KCNQ3: variants seen among roughly 807,000 people sequenced by gnomAD.
KCNQ3 encodes the protein potassium voltage-gated channel subfamily Q member 3, also known as potassium voltage-gated channel subfamily KQT member 3.
Under a neutral mutation model 92.5 loss-of-function variants are expected in KCNQ3, and 30 were observed. That is an observed-to-expected ratio of 0.32 (90% CI 0.24 to 0.44). The LOEUF (loss-of-function observed/expected upper bound fraction) is 0.44, where lower values mean the gene tolerates loss of function less well. KCNQ3 is among the 20% of genes least tolerant of loss of function. The pLI, the probability that KCNQ3 is intolerant of heterozygous loss-of-function variation, is 1.00. For missense variants in KCNQ3, 913 were observed against 1,140.3 expected, an observed-to-expected ratio of 0.80 and a Z score of 2.87; for synonymous variants, 450 against 468.8, an observed-to-expected ratio of 0.96 and a Z score of 0.52.
rs200664316 is a variant in KCNQ3, at chr8:132,158,752, T to TGAA, written c.1262+4713_1262+4715dup. 3.3e-5 allele frequency among the ~76,000 whole-genome samples: 5 copies of TGAA among 152,230 alleles called. No homozygotes were observed. In the East Asian group the frequency reaches 9.6e-4, roughly 29 times the overall value. ...TAGTACCTATCTCTTAGGGTGGTTA[T>TGAA]GAAGAAGAGTTGTGCTTACAACTAT... On this transcript the variant is annotated intron_variant, in intron 9 of 14. Coordinates refer to ENST00000388996, the MANE Select transcript of KCNQ3 (RefSeq NM_004519.4).
intron 1 of KCNQ3, among the ~76,000 whole-genome samples, chr8:132,221,053 G>A (rs1263552771): frequency 6.6e-6 from 1 of 152,168 alleles, no homozygotes; most frequent in African/African-American, 2.4e-5. Context: ...ACCTATGAGT[G>A]AGAACATGCA....
At chr8:132,253,718 A>T (rs1286165324) in intron 1 of KCNQ3, among the ~76,000 whole-genome samples, 2 of 152,210 alleles carry the variant, frequency 1.3e-5, no homozygotes, top group African/African-American at 4.8e-5. Flanking sequence ...CATGTTTCTA[A>T]CCATTCAGTT....
At chr8:132,372,868 T>C (rs534905149) in intron 1 of KCNQ3, among the ~76,000 whole-genome samples, 2 of 150,592 alleles carry the variant, frequency 1.3e-5, no homozygotes, top group African/African-American at 4.9e-5. Flanking sequence ...CGGTTGTGAA[T>C]ATTAGAGGCA....
Position 132,123,067 on chromosome 8 carries a change from A to T in KCNQ3, c.*6195T>A, listed in dbSNP as rs1320689847. ...CAGTGCAAAGGGACACCTTTGGTAA[A>T]ACTGGCCACTTTGGGTCATATAGAT... On this transcript the variant is annotated 3_prime_UTR_variant, in exon 15 of 15. Transcript: ENST00000388996. 6.6e-6 allele frequency: 1 copy of T among 152,178 alleles called. No homozygotes were observed. Among genetic ancestry groups the T allele is most frequent in the Non-Finnish European group, 1.5e-5 (1 of 68,038 alleles). 9.4% of individuals were successfully genotyped at this position (152,178 alleles called of 1,614,324 possible).
At position 132,134,273 on chromosome 8, in the gene KCNQ3, A is replaced by T. The variant is rs772154355; in HGVS notation, c.1799+17T>A. 12 of 1,597,982 alleles carry T rather than the reference A, an allele frequency of 7.5e-6. No individual in the cohort carries two copies. Among genetic ancestry groups the T allele is most frequent in the Non-Finnish European group, 1.0e-5 (12 of 1,165,792 alleles). On this transcript the variant is annotated intron_variant, in intron 13 of 14. Transcript: ENST00000388996. ...CTTTGCACCCCTGGCCCATCAGTCC[A>T]TGTCCACTGGCCCCACCTGGGAGAT...
intron 1 of KCNQ3, among the ~76,000 whole-genome samples, chr8:132,458,501 C>A (rs1303214939): frequency 6.6e-6 from 1 of 152,224 alleles, no homozygotes; most frequent in South Asian, 2.1e-4. Flanking sequence ...GATGCCCAGG[C>A]GAGAGTGCAG....
chr8:132,410,537 T>C (rs897263790), intron 1 of KCNQ3, among the ~76,000 whole-genome samples: 13 of 152,186 alleles, frequency 8.5e-5, no homozygotes, highest in African/African-American at 2.9e-4. Flanking sequence ...AGAAAATGCA[T>C]TGCATGCAAA....
chr8:132,149,334 T>C (rs1411886457), intron 9 of KCNQ3, among the ~76,000 whole-genome samples: 1 of 152,216 alleles, frequency 6.6e-6, no homozygotes, highest in African/African-American at 2.4e-5. Context: ...ATGCTATCTG[T>C]GAGATGGCGG....
At chr8:132,399,462 T>C (rs1820279091) in intron 1 of KCNQ3, among the ~76,000 whole-genome samples, 1 of 152,188 alleles carries the variant, frequency 6.6e-6, no homozygotes, top group South Asian at 2.1e-4. Flanking sequence ...TCCTGGCCTT[T>C]GGGAGTCATT....
intron 1 of KCNQ3, among the ~76,000 whole-genome samples, chr8:132,429,621 G>C (rs1821197015): frequency 6.6e-6 from 1 of 152,146 alleles, no homozygotes; most frequent in South Asian, 2.1e-4. Context: ...AGCACGTTGG[G>C]AAGCCAAGGT....
At chr8:132,286,080 G>A (rs548585412) in intron 1 of KCNQ3, among the ~76,000 whole-genome samples, 17 of 152,310 alleles carry the variant, frequency 1.1e-4, no homozygotes, top group African/African-American at 3.8e-4. Context: ...GAAAGCCTGT[G>A]AACCCAGGCA....
chr8:132,406,299 G>A (rs953013398), intron 1 of KCNQ3, among the ~76,000 whole-genome samples: 2 of 152,024 alleles, frequency 1.3e-5, no homozygotes, highest in Admixed American at 6.6e-5. Flanking sequence ...GGGAAGGAGG[G>A]GACTCGGGAG....
intron 1 of KCNQ3, among the ~76,000 whole-genome samples, chr8:132,470,477 A>G (rs1193942358): frequency 6.6e-6 from 1 of 152,086 alleles, no homozygotes; most frequent in Non-Finnish European, 1.5e-5. Context: ...ACACACATGC[A>G]CTTATATTGT....
chr8:132,183,316 T>C (rs1017543754), intron 3 of KCNQ3, among the ~76,000 whole-genome samples: 1 of 151,728 alleles, frequency 6.6e-6, no homozygotes, highest in African/African-American at 2.4e-5. Flanking sequence ...ACTTGAAGAG[T>C]GTCAGAGGAG....
chr8:132,236,850 C>T (rs1163888461), intron 1 of KCNQ3, among the ~76,000 whole-genome samples: 1 of 152,204 alleles, frequency 6.6e-6, no homozygotes, highest in Non-Finnish European at 1.5e-5. Context: ...ATTGCTAGCT[C>T]TGAAGATGAA....
At chr8:132,218,141 A>AG (rs979048303) in intron 1 of KCNQ3, among the ~76,000 whole-genome samples, 5 of 152,308 alleles carry the variant, frequency 3.3e-5, no homozygotes, top group African/African-American at 1.2e-4. Flanking sequence ...TACCCCACGG[A>AG]GAAAAAAAAG....
chr8:132,419,255 T>C (rs1024041010), intron 1 of KCNQ3, among the ~76,000 whole-genome samples: 1 of 152,206 alleles, frequency 6.6e-6, no homozygotes, highest in African/African-American at 2.4e-5. Flanking sequence ...GCACCTTTCA[T>C]CCTCTCAATT....
At chr8:132,218,664 G>A (rs1341199233) in intron 1 of KCNQ3, among the ~76,000 whole-genome samples, 1 of 152,198 alleles carries the variant, frequency 6.6e-6, no homozygotes, top group African/African-American at 2.4e-5. Context: ...AGTGCAGAGG[G>A]AGGTCAAAAT....
At chr8:132,147,173 T>C (rs1281307784) in intron 9 of KCNQ3, among the ~76,000 whole-genome samples, 1 of 152,126 alleles carries the variant, frequency 6.6e-6, no homozygotes, top group Non-Finnish European at 1.5e-5. Flanking sequence ...TTGATTGCAG[T>C]GGGTGGAGTA....
Sources: allele counts gnomAD v4.1 joint callset (sites outside exome capture counted in the v4.1 genomes callset), GRCh38; gene constraint gnomAD v4.1.1; transcripts MANE v1.5; gene names NCBI Gene and HGNC (gene_info 2026-07-23, HGNC 2026-07-21).